Variants in COL20A1 observed in about 807,000 individuals in gnomAD.
The protein encoded by COL20A1 is collagen type XX alpha 1 chain.
A neutral mutation model predicts 152.9 loss-of-function variants in COL20A1; 164 were observed. That is an observed-to-expected ratio of 1.07 (90% CI 0.94 to 1.22). COL20A1 has a LOEUF of 1.22. COL20A1 is among the 50% of genes most tolerant of loss of function. The probability of loss-of-function intolerance (pLI) is 0.00; values close to 1 mark genes in which losing one functional copy is unlikely to be tolerated. For synonymous variants in COL20A1, 864 were observed against 756.0 expected (o/e 1.14, Z -2.34); for missense variants, 1,873 against 1,744.8 (o/e 1.07, Z -1.31).
chr20:63,320,497 C>T, intron 25 of COL20A1, 129 bp downstream of exon 25: 1 of 903,584 alleles, frequency 1.1e-6, no homozygotes, highest in Non-Finnish European at 1.7e-6. Context: ...GGAAGGCTTT[C>T]AGAGGAGGCA....
intron 3 of COL20A1, among the ~76,000 whole-genome samples, chr20:63,304,305 G>A (rs1479103404): frequency 8.5e-6 from 1 of 117,090 alleles, no homozygotes. Flanking sequence ...CCCTCCAGGT[G>A]TGCAGGTGTG....
intron 33 of COL20A1, 97 bp from the exon 34 acceptor site, chr20:63,328,234 C>T (rs543365872): frequency 1.9e-5 from 30 of 1,552,398 alleles, no homozygotes; most frequent in South Asian, 5.8e-5. Flanking sequence ...CTTCACCCAT[C>T]GTTAGCACAC....
At position 63,319,599 on chromosome 20, in the gene COL20A1, C is replaced by A; in HGVS notation, c.2916+3C>A. On this transcript the variant is annotated splice_donor_region_variant and intron_variant, in intron 23 of 35. Transcript: ENST00000358894. This position sits in a 1 kb window ranked among gnomAD's most constrained non-coding sequence, Gnocchi z 4.4. ...TTTTCTTCGGGAGCTTCCACAAGGT[C>A]CTGGTGCAGCTCGCGCCCCTCTCCC... 6.4e-7 allele frequency: 1 copy of A among 1,563,948 alleles called. No individual in the cohort carries two copies. The highest frequency in any genetic ancestry group is 8.7e-7 in the Non-Finnish European group (1 of 1,153,438).
At position 63,313,101 on chromosome 20, in the gene COL20A1, GC is replaced by G; in HGVS notation, c.2077-15del. Reference sequence around the variant, plus strand: ...CCCACTGCACCCGGTGACCCCTGGGGCTCTCCTCTCCCTAGATCTCTGTCCC... The same window carrying G: ...CCCACTGCACCCGGTGACCCCTGGGGTCTCCTCTCCCTAGATCTCTGTCCC... On this transcript the variant is annotated splice_polypyrimidine_tract_variant and intron_variant, in intron 16 of 35. Coordinates refer to ENST00000358894, the MANE Select transcript of COL20A1 (RefSeq NM_020882.4). This position sits in a 1 kb window ranked among gnomAD's most constrained non-coding sequence, Gnocchi z 5.9. 6.2e-7 allele frequency: 1 copy of G among 1,600,374 alleles called. No individual in the cohort carries two copies. The highest frequency in any genetic ancestry group is 8.5e-7 in the Non-Finnish European group (1 of 1,174,242).
intron 3 of COL20A1, among the ~76,000 whole-genome samples, chr20:63,304,791 G>C (rs556967721): frequency 6.6e-6 from 1 of 151,848 alleles, no homozygotes; most frequent in African/African-American, 2.4e-5. Flanking sequence ...CTTAGCACTT[G>C]AGACCCAGAG....
chr20:63,318,138 C>G (rs2068108339), intron 21 of COL20A1, among the ~76,000 whole-genome samples: 3 of 152,222 alleles, frequency 2.0e-5, no homozygotes, highest in African/African-American at 7.2e-5. Flanking sequence ...GTTTGCCCTT[C>G]CAGAGCTCAC....
intron 34 of COL20A1, 25 bp downstream of exon 34, chr20:63,328,523 A>C: frequency 1.3e-6 from 2 of 1,592,440 alleles, no homozygotes; most frequent in Non-Finnish European, 1.7e-6. Flanking sequence ...GCTCTTGGGG[A>C]GGGAGTTGTG....
chr20:63,315,386 C>G lies in COL20A1; in HGVS notation c.2489-18C>G, dbSNP rs367649736. ...CTGGGCCGCTCCCACTCACACTGAC[C>G]CTGTCTCCTCTCAGCAGCCTGCCCA... On this transcript the variant is annotated intron_variant, in intron 19 of 35. Transcript: ENST00000358894. 6.4e-7 allele frequency: 1 copy of G among 1,570,162 alleles called. No individual in the cohort carries two copies. Among genetic ancestry groups the G allele is most frequent in the Non-Finnish European group, 8.6e-7 (1 of 1,162,022 alleles).
At chr20:63,320,816 G>A (rs1245419079) in intron 25 of COL20A1, among the ~76,000 whole-genome samples, 197 bp from the exon 26 acceptor site, 3 of 152,128 alleles carry the variant, frequency 2.0e-5, no homozygotes, top group Non-Finnish European at 4.4e-5. Flanking sequence ...AGGGCCGGCT[G>A]GACACACAGG....
intron 21 of COL20A1, among the ~76,000 whole-genome samples, chr20:63,318,485 C>T (rs907079494): frequency 1.7e-4 from 26 of 152,198 alleles, no homozygotes; most frequent in Non-Finnish European, 3.4e-4. Flanking sequence ...CCTGGTCCCA[C>T]CCCTCAGGGT....
Position 63,313,310 on chromosome 20 carries a change from T to G in COL20A1, c.2209+61T>G. ...GGGCAGGGATGGCCCAGGGGATCCC[T>G]GACTCACCCGCTGCACAGGCCCAGG... is the stretch of plus-strand genomic sequence containing the variant. On this transcript the variant is annotated intron_variant, in intron 17 of 35. Transcript: ENST00000358894. This position sits in a 1 kb window ranked among gnomAD's most constrained non-coding sequence, Gnocchi z 5.9. The G allele has an allele frequency of 6.5e-7, 1 of 1,535,678 alleles. No individual in the cohort carries two copies. Among genetic ancestry groups the G allele is most frequent in the Admixed American group, 1.8e-5 (1 of 56,072 alleles).
In COL20A1 at chr20:63,329,678, T is replaced by G. The variant is rs1394633122; in HGVS notation, c.*3+17T>G. 6.5e-7 allele frequency: 1 copy of G among 1,533,488 alleles called. No homozygotes were observed. The highest frequency in any genetic ancestry group is 8.8e-7 in the Non-Finnish European group (1 of 1,141,728). The allele number at this position is 1,533,488 out of a possible 1,614,324, so 95.0% of individuals were successfully genotyped here. ...GAGTGACAGGTGAGCCCCTGCTGCC[T>G]GCATCTATCTGCCAAGGCTGAGGGC... On this transcript the variant is annotated intron_variant, in intron 35 of 35. Coordinates refer to ENST00000358894, the MANE Select transcript of COL20A1 (RefSeq NM_020882.4).
At position 63,311,278 on chromosome 20, in the gene COL20A1, C is replaced by A. The variant is rs1163581787; in HGVS notation, c.1394-116C>A. Reference sequence around the variant, plus strand: ...AAGCCTGGGAAGTGCCACTTTGAATCCTGTGCACCTGCCAGGCGGTGGCCG... The same window carrying A: ...AAGCCTGGGAAGTGCCACTTTGAATACTGTGCACCTGCCAGGCGGTGGCCG... On this transcript the variant is annotated intron_variant, in intron 11 of 35. Transcript: ENST00000358894. This position sits in a 1 kb window ranked among gnomAD's most constrained non-coding sequence, Gnocchi z 4.4. 3.3e-5 allele frequency: 39 copies of A among 1,172,886 alleles called. No individual in the cohort carries two copies. Among genetic ancestry groups the A allele is most frequent in the Admixed American group, 5.5e-5 (2 of 36,556 alleles). The allele number at this position is 1,172,886 out of a possible 1,614,324, so 72.7% of individuals were successfully genotyped here.
rs180813687 is a variant in COL20A1, at chr20:63,324,055, A to G, written c.3295-1386A>G. On this transcript the variant is annotated intron_variant, in intron 27 of 35. Transcript: ENST00000358894. ...TACAGTGTGGGGATGGTCTCTTCCT[A>G]CAGACCCACTCGGTTCTCCTTCATC... Among the ~76,000 whole-genome samples the G allele has an allele frequency of 5.3e-5, 8 of 152,308 alleles. No homozygotes were observed. The East Asian group carries it at 1.5e-3, about 29-fold the overall frequency.
Position 63,311,999 on chromosome 20 carries a change from C to T in COL20A1, c.1747C>T (p.Pro583Ser), listed in dbSNP as rs1230861266. The T allele has an allele frequency of 4.4e-6, 7 of 1,606,432 alleles. No homozygotes were observed. The highest frequency in any genetic ancestry group is 1.1e-5 in the South Asian group (1 of 90,156). Residue 583 changes from proline (P) to serine (S), a missense_variant, in exon 14 of 36, where the codon CCT becomes TCT. Coordinates refer to ENST00000358894, the MANE Select transcript of COL20A1 (RefSeq NM_020882.4). The surrounding 1 kb of genome is among the most constrained non-coding windows in gnomAD (Gnocchi z 4.4). ...ARVFWEGAPR[P>S]VRLVRVTYVS... ...AGTGTTCTGGGAGGGTGCCCCGAGG[C>T]CTGTGCGCCTGGTCAGGGTCACCTA...
chr20:63,301,036 C>T (rs6062880), intron 3 of COL20A1, among the ~76,000 whole-genome samples: 10,607 of 152,184 alleles, frequency 0.07, 491 homozygotes, highest in Non-Finnish European at 0.1. Context: ...CCTTGCTGGC[C>T]GGGCGTGGTG....
intron 26 of COL20A1, among the ~76,000 whole-genome samples, chr20:63,321,373 A>T (rs1424862127): frequency 2.0e-5 from 3 of 152,170 alleles, no homozygotes; most frequent in Non-Finnish European, 4.4e-5. Context: ...AGGGTTGGGA[A>T]GGGGGGCCAG....
chr20:63,307,366 C>A, intron 5 of COL20A1, 124 bp from the exon 6 acceptor site: 1 of 911,654 alleles, frequency 1.1e-6, no homozygotes, highest in South Asian at 1.7e-5. Flanking sequence ...CCTTGGAGTC[C>A]TTTCCCCTGA....
At chr20:63,314,908 G>A (rs1314701728) in intron 19 of COL20A1, among the ~76,000 whole-genome samples, 5 of 148,546 alleles carry the variant, frequency 3.4e-5, no homozygotes, top group African/African-American at 1.0e-4. Context: ...CATCTCCCTG[G>A]CCCCCAGGAC....
Sources: allele counts gnomAD v4.1 joint callset (sites outside exome capture counted in the v4.1 genomes callset), GRCh38; gene constraint gnomAD v4.1.1; non-coding constraint Gnocchi (gnomAD v3.1); transcripts MANE v1.5; gene names NCBI Gene and HGNC (gene_info 2026-07-23, HGNC 2026-07-21).